The following IPP variants were observed in gnomAD, a reference collection of about 807,000 sequenced individuals.
The protein encoded by IPP is actin-binding protein IPP.
A neutral mutation model predicts 64.1 loss-of-function variants in IPP; 41 were observed. The ratio of observed to expected loss-of-function variants is 0.64; its 90% CI spans 0.50 to 0.83. IPP has a LOEUF of 0.83. Among genes scored for constraint, IPP ranks in the 40% least tolerant of loss-of-function variants. The pLI is 0.00. For synonymous variants in IPP, 214 were observed against 235.2 expected (o/e 0.91, Z 0.83); for missense variants, 649 against 703.0 (o/e 0.92, Z 0.87).
At chr1:45,740,353 G>C (rs2148580809) in intron 3 of IPP, among the ~76,000 whole-genome samples, 1 of 152,332 alleles carries the variant, frequency 6.6e-6, no homozygotes, top group Non-Finnish European at 1.5e-5. Context: ...CTCCCAGACA[G>C]GGTGGTGGCT....
chr1:45,726,000 C>T (rs1336894827), intron 5 of IPP, among the ~76,000 whole-genome samples: 3 of 145,098 alleles, frequency 2.1e-5, no homozygotes, highest in African/African-American at 7.6e-5. Flanking sequence ...CCTTTGTTCA[C>T]TTGTTTATCT....
intron 6 of IPP, 64 bp downstream of exon 6, chr1:45,719,138 AC>A: frequency 6.6e-7 from 1 of 1,520,994 alleles, no homozygotes; most frequent in Non-Finnish European, 9.1e-7. Flanking sequence ...TTATGTATCC[AC>A]AAAAATGAAA....
At chr1:45,749,526 T>G (rs926224237) in intron 1 of IPP, among the ~76,000 whole-genome samples, 3 of 133,140 alleles carry the variant, frequency 2.3e-5, no homozygotes, top group Non-Finnish European at 3.1e-5. Flanking sequence ...TTGTTTTTTG[T>G]TTTTTTTTTT....
At chr1:45,720,021 CTGAAAA>C (rs1645711765) in intron 5 of IPP, among the ~76,000 whole-genome samples, 5 of 151,912 alleles carry the variant, frequency 3.3e-5, no homozygotes, top group Admixed American at 3.3e-4. Flanking sequence ...CGCACCCAGC[CTGAAAA>C]TGAAAAAATT....
At chr1:45,713,789 G>T (rs1390020238) in intron 8 of IPP, among the ~76,000 whole-genome samples, 1 of 152,032 alleles carries the variant, frequency 6.6e-6, no homozygotes, top group Non-Finnish European at 1.5e-5. Flanking sequence ...GAACTCCTGG[G>T]CTCAAGCTAT....
intron 5 of IPP, among the ~76,000 whole-genome samples, chr1:45,719,764 C>T (rs1431197139): frequency 2.0e-5 from 3 of 152,172 alleles, no homozygotes; most frequent in East Asian, 1.9e-4. Context: ...CTCGCTCTGT[C>T]GCCCAGGCTG....
intron 3 of IPP, among the ~76,000 whole-genome samples, chr1:45,738,948 C>G (rs529662853): frequency 6.6e-6 from 1 of 151,824 alleles, no homozygotes; most frequent in Non-Finnish European, 1.5e-5. Flanking sequence ...GAACCTAAAC[C>G]TGTATTTCCC....
At chr1:45,695,164 G>GTT (rs1229173001), downstream of IPP, among the ~76,000 whole-genome samples, 1 of 151,844 alleles carries the variant, frequency 6.6e-6, no homozygotes, top group Admixed American at 6.6e-5. Context: ...GTGTGTTTTT[G>GTT]TTTTTGTTTT....
downstream of IPP, chr1:45,694,679 G>T: frequency 1.8e-6 from 1 of 553,316 alleles, no homozygotes. Flanking sequence ...ACATTCAAAG[G>T]TAAGTTGGAC....
intron 4 of IPP, among the ~76,000 whole-genome samples, chr1:45,728,112 TAGTG>T (rs1238426167): frequency 6.7e-6 from 1 of 149,224 alleles, no homozygotes; most frequent in East Asian, 2.0e-4. Flanking sequence ...CAATTAAAAA[TAGTG>T]AGTTGAAAGC....
At chr1:45,746,756 T>A (rs896549788) in intron 1 of IPP, among the ~76,000 whole-genome samples, 5 of 151,666 alleles carry the variant, frequency 3.3e-5, no homozygotes, top group African/African-American at 9.7e-5. Context: ...GTAAAAAAAA[T>A]AATAATAAAA....
intron 5 of IPP, among the ~76,000 whole-genome samples, chr1:45,721,951 C>A (rs1016395730): frequency 6.6e-6 from 1 of 152,132 alleles, no homozygotes; most frequent in Non-Finnish European, 1.5e-5. Flanking sequence ...TGTCTGTAAT[C>A]CCAGCTACTT....
intron 8 of IPP, among the ~76,000 whole-genome samples, chr1:45,708,070 C>CTT (rs967244090): frequency 6.9e-6 from 1 of 144,666 alleles, no homozygotes. Flanking sequence ...TTTATTTTTA[C>CTT]TTTTTTTTTT....
At chr1:45,698,294 A>G (rs1645405287), downstream of IPP, among the ~76,000 whole-genome samples, 3 of 152,122 alleles carry the variant, frequency 2.0e-5, no homozygotes, top group South Asian at 6.2e-4. Flanking sequence ...TTCCATCTCA[A>G]AAAAAAATTT....
intron 8 of IPP, among the ~76,000 whole-genome samples, chr1:45,705,174 T>G (rs566813137): frequency 1.7e-4 from 26 of 152,330 alleles, no homozygotes; most frequent in East Asian, 1.9e-4. Flanking sequence ...CTAAGCCCAA[T>G]TTGGGGCTCT....
At chr1:45,703,511 C>T (rs1569946355) in intron 8 of IPP, among the ~76,000 whole-genome samples, 1 of 150,874 alleles carries the variant, frequency 6.6e-6, no homozygotes, top group African/African-American at 2.4e-5. Flanking sequence ...CTGCAAATAT[C>T]CACAGAACAA....
chr1:45,747,132 G>A (rs1646148160), intron 1 of IPP, among the ~76,000 whole-genome samples: 1 of 151,894 alleles, frequency 6.6e-6, no homozygotes, highest in African/African-American at 2.4e-5. Flanking sequence ...GCGCGCGCGC[G>A]CTTCAGAGCT....
At chr1:45,697,371 C>T (rs139609268), downstream of IPP, 189 of 152,284 alleles carry the variant, frequency 1.2e-3, 2 homozygotes, top group East Asian at 0.032. Context: ...CTGCCTCAGC[C>T]TCCTCAGCAG....
intron 5 of IPP, among the ~76,000 whole-genome samples, chr1:45,721,345 C>T (rs964289485): frequency 6.6e-6 from 1 of 152,190 alleles, no homozygotes; most frequent in African/African-American, 2.4e-5. Context: ...TTCTGAAGGT[C>T]TGGAATTTTG....
Sources: gnomAD v4.1 joint callset for allele counts (sites outside exome capture counted in the v4.1 genomes callset) on GRCh38, gnomAD v4.1.1 for gene constraint, MANE v1.5 for transcripts, NCBI Gene and HGNC (gene_info 2026-07-23, HGNC 2026-07-21) for gene names.